The following SPAG16 variants were observed in gnomAD, a reference collection of about 807,000 sequenced individuals.
SPAG16 encodes the protein sperm-associated antigen 16 protein.
SPAG16 carries 86 observed loss-of-function variants against 80.4 expected under a neutral mutation model. That is an observed-to-expected ratio of 1.07 (90% CI 0.90 to 1.28). The LOEUF is 1.28. Among genes scored for constraint, SPAG16 ranks in the 50% most tolerant of loss-of-function variants. The probability of loss-of-function intolerance (pLI) is 0.00; values close to 1 mark genes in which losing one functional copy is unlikely to be tolerated. For missense variants in SPAG16, 870 were observed against 765.3 expected, an observed-to-expected ratio of 1.14 and a Z score of -1.61; for synonymous variants, 294 against 265.9, an observed-to-expected ratio of 1.11 and a Z score of -1.03.
chr2:213,985,852 A>G (rs999307981), intron 12 of SPAG16, among the ~76,000 whole-genome samples: 4 of 152,116 alleles, frequency 2.6e-5, no homozygotes, highest in African/African-American at 7.2e-5. Context: ...TCATGAACTC[A>G]GAGAAAGAGC....
At chr2:213,624,310 C>G (rs950276086) in intron 10 of SPAG16, among the ~76,000 whole-genome samples, 1 of 152,128 alleles carries the variant, frequency 6.6e-6, no homozygotes, top group Non-Finnish European at 1.5e-5. Context: ...ACACATTAAT[C>G]TCCCATGTGA....
At chr2:213,661,887 T>C (rs536552554) in intron 10 of SPAG16, among the ~76,000 whole-genome samples, 1 of 152,196 alleles carries the variant, frequency 6.6e-6, no homozygotes, top group African/African-American at 2.4e-5. Context: ...AGAACCTGGT[T>C]TCTATAGAAG....
intron 15 of SPAG16, among the ~76,000 whole-genome samples, chr2:214,295,485 T>C (rs1225776609): frequency 6.6e-6 from 1 of 152,108 alleles, no homozygotes; most frequent in Non-Finnish European, 1.5e-5. Context: ...AAGCTCTCCT[T>C]AATTGGAACA....
At chr2:213,903,267 C>A (rs1575504368) in intron 11 of SPAG16, among the ~76,000 whole-genome samples, 1 of 152,192 alleles carries the variant, frequency 6.6e-6, no homozygotes, top group East Asian at 1.9e-4. Context: ...CTGCACTGCC[C>A]TAGTAGAGGT....
At chr2:214,132,925 TC>T (rs1363508895) in intron 14 of SPAG16, among the ~76,000 whole-genome samples, 1 of 151,628 alleles carries the variant, frequency 6.6e-6, no homozygotes, top group Non-Finnish European at 1.5e-5. Context: ...AAACCCCGTC[TC>T]TACTAAAAAT....
At chr2:213,364,246 G>A in intron 8 of SPAG16, 101 bp downstream of exon 8, 3 of 533,378 alleles carry the variant, frequency 5.6e-6, no homozygotes, top group Non-Finnish European at 9.1e-6. Flanking sequence ...GTGAGTAAGT[G>A]GTGGCTATTT....
chr2:213,915,874 A>T (rs2077936089), intron 11 of SPAG16, among the ~76,000 whole-genome samples: 1 of 152,202 alleles, frequency 6.6e-6, no homozygotes, highest in Admixed American at 6.5e-5. Flanking sequence ...ATGACCAGTG[A>T]TGACGAGCTT....
intron 10 of SPAG16, among the ~76,000 whole-genome samples, chr2:213,749,150 C>T (rs1013210990): frequency 6.6e-6 from 1 of 152,030 alleles, no homozygotes; most frequent in Non-Finnish European, 1.5e-5. Flanking sequence ...CTCAGAAAAA[C>T]AAAAACAGAA....
At chr2:214,301,401 T>C (rs1291565315) in intron 15 of SPAG16, among the ~76,000 whole-genome samples, 1 of 151,344 alleles carries the variant, frequency 6.6e-6, no homozygotes, top group Admixed American at 6.6e-5. Flanking sequence ...CCCTAAGAAA[T>C]AGAACAAGAT....
intron 12 of SPAG16, among the ~76,000 whole-genome samples, chr2:213,974,021 G>A (rs996204950): frequency 5.9e-5 from 9 of 152,008 alleles, no homozygotes; most frequent in African/African-American, 1.9e-4. Context: ...GATTAATAAG[G>A]ATAACTTTTA....
At position 213,387,684 on chromosome 2, in the gene SPAG16, G is replaced by C. The variant is rs569987363; in HGVS notation, c.942+12565G>C. ...TTGGCCGGGATGGTCTCGATCTCCT[G>C]ACCTCGTGATCCGCCCGCCTCGGCC... On this transcript the variant is annotated intron_variant, in intron 9 of 15. Transcript: ENST00000331683. 9.3e-5 allele frequency among the ~76,000 whole-genome samples: 14 copies of C among 151,312 alleles called. 1 individual carries two copies. Among genetic ancestry groups the C allele is most frequent in the South Asian group, 8.4e-4 (4 of 4,764 alleles).
intron 10 of SPAG16, among the ~76,000 whole-genome samples, chr2:213,762,846 A>T (rs929275660): frequency 3.3e-5 from 5 of 152,234 alleles, no homozygotes; most frequent in African/African-American, 1.2e-4. Context: ...GTGAAAATGC[A>T]GTCCACGGAA....
intron 9 of SPAG16, among the ~76,000 whole-genome samples, chr2:213,422,836 T>C (rs1276696302): frequency 1.3e-5 from 2 of 152,242 alleles, no homozygotes; most frequent in Non-Finnish European, 2.9e-5. Context: ...ACCTGAGAAC[T>C]AGCATTTGAC....
intron 10 of SPAG16, among the ~76,000 whole-genome samples, chr2:213,645,829 G>C (rs2062801837): frequency 6.6e-6 from 1 of 152,170 alleles, no homozygotes; most frequent in Non-Finnish European, 1.5e-5. Context: ...TGTCACCTAA[G>C]ATTTGTAGTC....
intron 15 of SPAG16, among the ~76,000 whole-genome samples, chr2:214,213,635 G>T (rs185067668): frequency 6.6e-6 from 1 of 152,288 alleles, no homozygotes; most frequent in East Asian, 1.9e-4. Flanking sequence ...ACCCAGTGTG[G>T]CAACCAAATA....
At chr2:213,372,064 G>A (rs1258091209) in intron 8 of SPAG16, among the ~76,000 whole-genome samples, 3 of 152,020 alleles carry the variant, frequency 2.0e-5, no homozygotes, top group African/African-American at 7.2e-5. Context: ...AGGGTCATAT[G>A]TATCGAATAT....
intron 15 of SPAG16, among the ~76,000 whole-genome samples, chr2:214,343,171 T>C (rs1448940125): frequency 1.3e-5 from 2 of 152,108 alleles, no homozygotes; most frequent in Non-Finnish European, 1.5e-5. Context: ...TTAGTGGAAG[T>C]AGAAAGAAGA....
chr2:213,336,920 G>A (rs1194854962), intron 5 of SPAG16, among the ~76,000 whole-genome samples: 1 of 152,186 alleles, frequency 6.6e-6, no homozygotes, highest in Non-Finnish European at 1.5e-5. Flanking sequence ...TGCTGACTAG[G>A]TGAGACCTCC....
intron 13 of SPAG16, among the ~76,000 whole-genome samples, chr2:214,031,033 A>G (rs1429304159): frequency 6.6e-6 from 1 of 152,116 alleles, no homozygotes; most frequent in African/African-American, 2.4e-5. Context: ...GAACTACCTG[A>G]GTTTCCAGTT....
Sources: allele counts gnomAD v4.1 joint callset (sites outside exome capture counted in the v4.1 genomes callset), GRCh38; gene constraint gnomAD v4.1.1; transcripts MANE v1.5; gene names NCBI Gene and HGNC (gene_info 2026-07-23, HGNC 2026-07-21).